HYCC1: variants seen among roughly 807,000 people sequenced by gnomAD.
The protein encoded by HYCC1 is hyccin PI4KA lipid kinase complex subunit 1.
the HYCC1 span, among the ~76,000 whole-genome samples, chr7:22,971,937 G>A: frequency 1.3e-5 from 2 of 152,054 alleles, no homozygotes; most frequent in East Asian, 1.9e-4. Flanking sequence ...GTGAAGGATG[G>A]GCAAGATTTA....
At chr7:22,944,001 A>G in the HYCC1 span, 1 of 152,344 alleles carries the variant, frequency 6.6e-6, no homozygotes, top group Non-Finnish European at 1.5e-5. Flanking sequence ...AGTTGCAGTT[A>G]AAACTATGTC....
the HYCC1 span, among the ~76,000 whole-genome samples, chr7:22,981,203 G>A: frequency 1.3e-5 from 2 of 152,146 alleles, no homozygotes; most frequent in Non-Finnish European, 2.9e-5. Context: ...ACAAGATCAA[G>A]AATTTAGTCT....
the HYCC1 span, chr7:22,976,684 A>G: frequency 1.3e-6 from 2 of 1,521,140 alleles, no homozygotes; most frequent in South Asian, 2.2e-5. Flanking sequence ...TTTTATCCCC[A>G]CAGTATACCG....
At chr7:22,977,221 G>A in the HYCC1 span, 1 of 714,790 alleles carries the variant, frequency 1.4e-6, no homozygotes, top group Non-Finnish European at 2.6e-6. Context: ...CTTTGTGGGT[G>A]TTTATACTTT....
At chr7:22,928,258 T>C in the HYCC1 span, among the ~76,000 whole-genome samples, 3 of 152,036 alleles carry the variant, frequency 2.0e-5, no homozygotes, top group Admixed American at 6.6e-5. Flanking sequence ...TGGAAGCATT[T>C]CCTTTGAAAA....
At chr7:22,956,321 A>G in the HYCC1 span, among the ~76,000 whole-genome samples, 2 of 151,904 alleles carry the variant, frequency 1.3e-5, no homozygotes, top group Non-Finnish European at 2.9e-5. Context: ...ATGTTCCTTA[A>G]AAGTCGAAAG....
the HYCC1 span, chr7:22,961,413 A>C: frequency 5.3e-6 from 4 of 761,432 alleles, no homozygotes; most frequent in Non-Finnish European, 8.9e-6. Context: ...AAGAAAATAA[A>C]AGATCATATT....
the HYCC1 span, among the ~76,000 whole-genome samples, chr7:22,912,677 G>A: frequency 6.6e-6 from 1 of 152,198 alleles, no homozygotes; most frequent in Non-Finnish European, 1.5e-5. Context: ...TCAGAAAAGA[G>A]AGTTCCAATC....
At chr7:22,963,196 A>G in the HYCC1 span, among the ~76,000 whole-genome samples, 1 of 152,150 alleles carries the variant, frequency 6.6e-6, no homozygotes, top group Admixed American at 6.5e-5. Flanking sequence ...AACAAGACCA[A>G]CTCTGTCAAG....
the HYCC1 span, among the ~76,000 whole-genome samples, chr7:22,975,330 T>C: frequency 6.6e-6 from 1 of 152,214 alleles, no homozygotes; most frequent in African/African-American, 2.4e-5. Flanking sequence ...GAGATAATCA[T>C]TGTTAATATT....
At chr7:22,949,110 T>C in the HYCC1 span, among the ~76,000 whole-genome samples, 1 of 152,180 alleles carries the variant, frequency 6.6e-6, no homozygotes, top group East Asian at 1.9e-4. Context: ...GCAATGAATA[T>C]TAAAATTTAA....
the HYCC1 span, among the ~76,000 whole-genome samples, chr7:22,985,052 C>T: frequency 1.3e-5 from 2 of 152,098 alleles, no homozygotes; most frequent in Non-Finnish European, 2.9e-5. Context: ...GAGCACACCC[C>T]CTCCTCAGCG....
At chr7:22,919,668 T>G in the HYCC1 span, among the ~76,000 whole-genome samples, 1 of 151,278 alleles carries the variant, frequency 6.6e-6, no homozygotes, top group African/African-American at 2.4e-5. Flanking sequence ...AAATGAAAAT[T>G]TAATAGAGGG....
the HYCC1 span, chr7:22,935,495 C>A: frequency 3.3e-5 from 5 of 152,104 alleles, no homozygotes; most frequent in African/African-American, 9.7e-5. Flanking sequence ...TTTCCTAAGC[C>A]CTCTTTTATG....
At chr7:22,934,197 CT>C in the HYCC1 span, 2 of 99,802 alleles carry the variant, frequency 2.0e-5, no homozygotes, top group Admixed American at 1.2e-4. Flanking sequence ...GTTTCCGCCT[CT>C]TTTTTTTCTT....
the HYCC1 span, among the ~76,000 whole-genome samples, chr7:22,899,181 G>GTC: frequency 6.6e-6 from 1 of 152,098 alleles, no homozygotes. Flanking sequence ...TTTGAGTGAG[G>GTC]TCTGGGGATA....
At chr7:22,960,322 A>G in the HYCC1 span, 1 of 1,613,716 alleles carries the variant, frequency 6.2e-7, no homozygotes, top group Non-Finnish European at 8.5e-7. Context: ...ATTCGAGAGG[A>G]AGTTGGTGTG....
At chr7:22,984,748 C>T in the HYCC1 span, among the ~76,000 whole-genome samples, 2 of 152,116 alleles carry the variant, frequency 1.3e-5, no homozygotes, top group African/African-American at 2.4e-5. Flanking sequence ...CATACTCTGA[C>T]GGTTGAGCAT....
At chr7:23,000,909 A>T in the HYCC1 span, among the ~76,000 whole-genome samples, 1 of 116,270 alleles carries the variant, frequency 8.6e-6, no homozygotes. Flanking sequence ...CTACTTGACA[A>T]AGTTAAAGAA....
Sources: allele counts gnomAD v4.1 joint callset (sites outside exome capture counted in the v4.1 genomes callset), GRCh38; gene constraint gnomAD v4.1.1; transcripts MANE v1.5; gene names NCBI Gene and HGNC (gene_info 2026-07-23, HGNC 2026-07-21).